The following SGCZ variants were observed in gnomAD, a reference collection of about 807,000 sequenced individuals.
The protein encoded by SGCZ is sarcoglycan zeta, also known as zeta-sarcoglycan.
A neutral mutation model predicts 41.3 loss-of-function variants in SGCZ; 40 were observed. That is an observed-to-expected ratio of 0.97 (90% CI 0.75 to 1.26). SGCZ has a LOEUF of 1.26. SGCZ is among the 50% of genes most tolerant of loss of function. SGCZ has a pLI of 0.00. For synonymous variants in SGCZ, 206 were observed against 137.5 expected (o/e 1.50, Z -3.49); for missense variants, 552 against 369.8 (o/e 1.49, Z -4.04).
intron 5 of SGCZ, among the ~76,000 whole-genome samples, chr8:14,115,410 C>G (rs1013178687): frequency 2.2e-4 from 33 of 152,082 alleles, no homozygotes; most frequent in African/African-American, 7.9e-4. Context: ...TTTGATAGCA[C>G]ATGAGCTACC....
chr8:14,244,768 T>C (rs1325966763), intron 3 of SGCZ, among the ~76,000 whole-genome samples: 3 of 152,106 alleles, frequency 2.0e-5, no homozygotes, highest in Non-Finnish European at 4.4e-5. Flanking sequence ...TTTTATGTCA[T>C]TGATCAGTGG....
chr8:15,134,505 C>CT (rs1808039406), intron 1 of SGCZ, among the ~76,000 whole-genome samples: 3 of 150,846 alleles, frequency 2.0e-5, no homozygotes, highest in South Asian at 2.1e-4. Flanking sequence ...AAAAATAGCG[C>CT]ATTTTTTTTC....
At chr8:14,834,910 C>A (rs1802644786) in intron 1 of SGCZ, among the ~76,000 whole-genome samples, 1 of 152,150 alleles carries the variant, frequency 6.6e-6, no homozygotes, top group Non-Finnish European at 1.5e-5. Flanking sequence ...GCTCCCTCTC[C>A]CTGCTTTTTA....
chr8:15,149,110 C>T (rs1392611659), intron 1 of SGCZ, among the ~76,000 whole-genome samples: 3 of 152,096 alleles, frequency 2.0e-5, no homozygotes, highest in Admixed American at 6.6e-5. Flanking sequence ...ATGCAATCAC[C>T]GGTGGTCCTT....
intron 1 of SGCZ, among the ~76,000 whole-genome samples, chr8:14,789,369 C>T (rs1228055786): frequency 2.0e-5 from 3 of 152,172 alleles, no homozygotes; most frequent in South Asian, 2.1e-4. Flanking sequence ...ATACTCTACA[C>T]AGGCACATGT....
intron 1 of SGCZ, among the ~76,000 whole-genome samples, chr8:14,900,669 C>T (rs1798943522): frequency 6.6e-6 from 1 of 152,168 alleles, no homozygotes; most frequent in Non-Finnish European, 1.5e-5. Flanking sequence ...TCAATTCAGA[C>T]ATCAGTGAAA....
chr8:14,944,179 G>C (rs971011017), intron 1 of SGCZ, among the ~76,000 whole-genome samples: 7 of 152,134 alleles, frequency 4.6e-5, no homozygotes, highest in Non-Finnish European at 7.4e-5. Context: ...AAGGTAGCTA[G>C]GTCTTCACCT....
At chr8:14,885,985 T>TTATATATATATA (rs71209089) in intron 1 of SGCZ, among the ~76,000 whole-genome samples, 16 of 55,982 alleles carry the variant, frequency 2.9e-4, no homozygotes, top group East Asian at 2.1e-3. Context: ...GGACTTTATG[T>TTATATATATATA]TATATATATA....
chr8:14,659,165 T>G (rs932348217), intron 1 of SGCZ, among the ~76,000 whole-genome samples: 1 of 152,116 alleles, frequency 6.6e-6, no homozygotes, highest in African/African-American at 2.4e-5. Context: ...AAATACTAGT[T>G]TTGGTATTCT....
At chr8:15,191,948 G>A (rs1046390831) in intron 1 of SGCZ, among the ~76,000 whole-genome samples, 1 of 151,866 alleles carries the variant, frequency 6.6e-6, no homozygotes, top group South Asian at 2.1e-4. Flanking sequence ...TACAACCCTG[G>A]GCCAAACTAA....
chr8:14,122,202 G>A (rs1443907117), intron 5 of SGCZ, among the ~76,000 whole-genome samples: 5 of 152,162 alleles, frequency 3.3e-5, no homozygotes, highest in African/African-American at 9.7e-5. Flanking sequence ...GCGTGAACCC[G>A]GGAGGTGGAG....
Position 14,090,379 on chromosome 8 carries a change from C to A in SGCZ, c.*64G>T. The stretch of plus-strand genomic sequence containing the variant: ...TGGACTGATCACAAGGGAAACCGAG[C>A]AGAACTGTGAAGCAGACGGACAGGA... On this transcript the variant is annotated 3_prime_UTR_variant, in exon 8 of 8. Coordinates refer to ENST00000382080, the MANE Select transcript of SGCZ (RefSeq NM_139167.4). The A allele has an allele frequency of 6.5e-7, 1 of 1,536,770 alleles. No individual in the cohort carries two copies. Among genetic ancestry groups the A allele is most frequent in the Non-Finnish European group, 8.8e-7 (1 of 1,136,328 alleles).
intron 3 of SGCZ, among the ~76,000 whole-genome samples, chr8:14,304,832 C>T (rs2116981429): frequency 6.6e-6 from 1 of 152,172 alleles, no homozygotes; most frequent in Non-Finnish European, 1.5e-5. Flanking sequence ...AGAAATAGCA[C>T]ACCTAGTTTT....
At chr8:14,823,690 A>G (rs1184130212) in intron 1 of SGCZ, among the ~76,000 whole-genome samples, 1 of 152,190 alleles carries the variant, frequency 6.6e-6, no homozygotes, top group African/African-American at 2.4e-5. Context: ...AAAATTAAAA[A>G]TAGAACTACC....
chr8:14,498,929 C>A (rs1454486948), intron 2 of SGCZ, among the ~76,000 whole-genome samples: 2 of 150,828 alleles, frequency 1.3e-5, no homozygotes, highest in Non-Finnish European at 3.0e-5. Context: ...ATGAAGAATT[C>A]TTTAGTCTTG....
chr8:14,421,854 G>GA (rs1167639286), intron 2 of SGCZ, among the ~76,000 whole-genome samples: 1 of 151,862 alleles, frequency 6.6e-6, no homozygotes, highest in Non-Finnish European at 1.5e-5. Flanking sequence ...ATTTAAAGAG[G>GA]AAAAAAATAC....
intron 4 of SGCZ, among the ~76,000 whole-genome samples, chr8:14,209,995 A>G (rs180703529): frequency 1.2e-4 from 8 of 65,208 alleles, no homozygotes; most frequent in African/African-American, 1.1e-3. Context: ...AACTAACTGT[A>G]AAGCCTTCAG....
chr8:15,074,263 A>C (rs1427786679), intron 1 of SGCZ, among the ~76,000 whole-genome samples: 1 of 152,140 alleles, frequency 6.6e-6, no homozygotes, highest in East Asian at 1.9e-4. Context: ...GTTAGTCCAA[A>C]ATCTTCTCAG....
chr8:14,092,196 G>A (rs533194434), intron 7 of SGCZ, among the ~76,000 whole-genome samples: 8 of 152,022 alleles, frequency 5.3e-5, no homozygotes, highest in African/African-American at 9.6e-5. Flanking sequence ...TTGGTACCAG[G>A]ACTATGCTGT....
Sources: gnomAD v4.1 joint callset for allele counts (sites outside exome capture counted in the v4.1 genomes callset) on GRCh38, gnomAD v4.1.1 for gene constraint, MANE v1.5 for transcripts, NCBI Gene and HGNC (gene_info 2026-07-23, HGNC 2026-07-21) for gene names.